The following HERC1 variants were observed in gnomAD, a reference collection of about 807,000 sequenced individuals.
HERC1 encodes HECT and RLD domain containing E3 ubiquitin protein ligase family member 1, also known as probable E3 ubiquitin-protein ligase HERC1.
A neutral mutation model predicts 554.3 loss-of-function variants in HERC1; 160 were observed. That is an observed-to-expected ratio of 0.29 (90% CI 0.25 to 0.33). HERC1 has a LOEUF of 0.33. Among genes scored for constraint, HERC1 ranks in the 10% least tolerant of loss-of-function variants. The probability of loss-of-function intolerance (pLI) is 1.00; values close to 1 mark genes in which losing one functional copy is unlikely to be tolerated. For missense variants in HERC1, 4,919 were observed against 5,918.5 expected, an observed-to-expected ratio of 0.83 and a Z score of 5.54; for synonymous variants, 2,175 against 2,131.7, an observed-to-expected ratio of 1.02 and a Z score of -0.56.
intron 6 of HERC1, among the ~76,000 whole-genome samples, 200 bp from the exon 7 acceptor site, chr15:63,754,848 C>T (rs1262796743): frequency 1.3e-5 from 2 of 152,178 alleles, no homozygotes; most frequent in Admixed American, 6.5e-5. Context: ...AGAGTCACTT[C>T]GGTGAACCAT....
At position 63,746,914 on chromosome 15, in the gene HERC1, T is replaced by C; in HGVS notation, c.2520+4A>G. ...ATACAGATTCACAAGTCCTATTCTC[T>C]TACCTCTTGGATTTCATCTGGGACA... On this transcript the variant is annotated splice_donor_region_variant and intron_variant, in intron 12 of 77. Coordinates refer to ENST00000443617, the MANE Select transcript of HERC1 (RefSeq NM_003922.4). 1.3e-6 allele frequency: 2 copies of C among 1,551,518 alleles called. No homozygotes were observed. Among genetic ancestry groups the C allele is most frequent in the Non-Finnish European group, 1.7e-6 (2 of 1,146,688 alleles).
At chr15:63,771,299 AT>A (rs1298259565) in intron 2 of HERC1, among the ~76,000 whole-genome samples, 1 of 152,188 alleles carries the variant, frequency 6.6e-6, no homozygotes, top group Non-Finnish European at 1.5e-5. Context: ...TTTAATAAGC[AT>A]TCCTTTCCCC....
At chr15:63,753,979 G>C (rs1014005040) in intron 7 of HERC1, among the ~76,000 whole-genome samples, 1 of 152,090 alleles carries the variant, frequency 6.6e-6, no homozygotes, top group Admixed American at 6.6e-5. Flanking sequence ...TTCGAGGCCA[G>C]CCTGGGCAAT....
intron 1 of HERC1, among the ~76,000 whole-genome samples, chr15:63,829,495 TATATAC>T (rs1226479648): frequency 0.09 from 5,896 of 65,284 alleles, 532 homozygotes; most frequent in African/African-American, 0.22. Flanking sequence ...TATATATATA[TATATAC>T]ACACACACAC....
At chr15:63,669,298 T>C (rs1392279725) in intron 40 of HERC1, among the ~76,000 whole-genome samples, 1 of 152,204 alleles carries the variant, frequency 6.6e-6, no homozygotes, top group Non-Finnish European at 1.5e-5. Flanking sequence ...AAAATGGCTA[T>C]ATTGGGAAAA....
chr15:63,729,232 T>G lies in HERC1; in HGVS notation c.3154+4A>C, dbSNP rs1461283980. 4 of 1,593,084 alleles carry G rather than the reference T, an allele frequency of 2.5e-6. No homozygotes were observed. Among genetic ancestry groups the G allele is most frequent in the Non-Finnish European group, 3.4e-6 (4 of 1,173,718 alleles). On this transcript the variant is annotated splice_donor_region_variant and intron_variant, in intron 16 of 77. Transcript: ENST00000443617. ...TTAAATTTGAAATGAAATACCAAACTCACCTCTTAATTTTTCTCCAACACT... is the reference window on the plus strand; with the variant it reads ...TTAAATTTGAAATGAAATACCAAACGCACCTCTTAATTTTTCTCCAACACT...
intron 70 of HERC1, among the ~76,000 whole-genome samples, chr15:63,627,285 G>A (rs2068341207): frequency 6.6e-6 from 1 of 152,134 alleles, no homozygotes; most frequent in Admixed American, 6.5e-5. Flanking sequence ...AACAAAACTG[G>A]AAGAGAATGC....
intron 12 of HERC1, among the ~76,000 whole-genome samples, chr15:63,744,170 C>G (rs371200954): frequency 0.16 from 5,076 of 32,446 alleles, 55 homozygotes; most frequent in African/African-American, 0.24. Flanking sequence ...GTGTGTCTCT[C>G]TCTCTCTCTC....
At chr15:63,712,403 A>T (rs2073344616) in intron 24 of HERC1, among the ~76,000 whole-genome samples, 1 of 152,236 alleles carries the variant, frequency 6.6e-6, no homozygotes, top group Admixed American at 6.5e-5. Flanking sequence ...GTCAAGGATG[A>T]TCCCAAGTTT....
chr15:63,752,943 A>T lies in HERC1; in HGVS notation c.1902+15T>A. On this transcript the variant is annotated intron_variant, in intron 8 of 77. Coordinates refer to ENST00000443617, the MANE Select transcript of HERC1 (RefSeq NM_003922.4). ...GAAATACTCTAAGTCTTTTATACTC[A>T]TCCCTTAGTCCTACCTGCCCTGTTG... 1 of 1,610,970 alleles carries T rather than the reference A, an allele frequency of 6.2e-7. No homozygotes were observed. The highest frequency in any genetic ancestry group is 8.5e-7 in the Non-Finnish European group (1 of 1,178,410).
At chr15:63,769,958 G>C (rs543645786) in intron 2 of HERC1, among the ~76,000 whole-genome samples, 1 of 152,226 alleles carries the variant, frequency 6.6e-6, no homozygotes, top group African/African-American at 2.4e-5. Context: ...ACATTTGTCT[G>C]CTTAAGATAT....
At position 63,674,906 on chromosome 15, in the gene HERC1, C is replaced by T; in HGVS notation, c.7282G>A (p.Val2428Ile). 6.2e-7 allele frequency: 1 copy of T among 1,614,042 alleles called. No homozygotes were observed. Among genetic ancestry groups the T allele is most frequent in the African/African-American group, 1.3e-5 (1 of 75,064 alleles). The change falls in exon 38 of 78, where the codon GTT becomes ATT. Residue 2428 changes from valine (V) to isoleucine (I), a missense_variant. Coordinates refer to ENST00000443617, the MANE Select transcript of HERC1 (RefSeq NM_003922.4). ...GATTCACTCTCAGGTTTCTGCTCAA[C>T]ATCCCCTTTCTCCTCGGATTCATGT... is the stretch of plus-strand genomic sequence containing the variant. ...HRHESEEKGD[V>I]EQKPESESAL...
At chr15:63,793,251 C>G (rs370387535) in intron 1 of HERC1, among the ~76,000 whole-genome samples, 1 of 152,116 alleles carries the variant, frequency 6.6e-6, no homozygotes, top group Admixed American at 6.5e-5. Flanking sequence ...GACAGGAGGT[C>G]GGCACAAGAC....
chr15:63,622,693 G>T, intron 74 of HERC1, 122 bp downstream of exon 74: 1 of 640,500 alleles, frequency 1.6e-6, no homozygotes, highest in South Asian at 2.2e-5. Context: ...TTACAATGAG[G>T]ACTGAAGGGG....
intron 1 of HERC1, among the ~76,000 whole-genome samples, chr15:63,800,433 G>C (rs1341880888): frequency 2.0e-5 from 3 of 152,124 alleles, no homozygotes; most frequent in African/African-American, 7.2e-5. Context: ...TCTTTATTTA[G>C]AGCCTGCCTT....
rs575815748 is a variant in HERC1 at position 63,612,028 on chromosome 15, A to G, written c.14400+223T>C. ...GGTGAATCCCCGTCTCTACCAAAAT[A>G]TACAAAAAAATTAGCCAGGCGTGGT... On this transcript the variant is annotated intron_variant, in intron 77 of 77. Transcript: ENST00000443617. This position sits in a 1 kb window ranked among gnomAD's most constrained non-coding sequence, Gnocchi z 5.0. Among the ~76,000 whole-genome samples the G allele has an allele frequency of 6.6e-6, 1 of 152,186 alleles. No homozygotes were observed. The highest frequency in any genetic ancestry group is 6.5e-5 in the Admixed American group (1 of 15,284).
Position 63,753,046 on chromosome 15 carries a change from G to C in HERC1, c.1814C>G (p.Pro605Arg). 6.2e-7 allele frequency: 1 copy of C among 1,612,150 alleles called. No homozygotes were observed. The highest frequency in any genetic ancestry group is 8.5e-7 in the Non-Finnish European group (1 of 1,178,894). The change falls in exon 8 of 78, where the codon CCT becomes CGT. Residue 605 changes from proline to arginine, a missense_variant. This residue lies in a region of HERC1 where 744 missense variants were observed against 1,090.0 expected (regional missense o/e 0.68). Coordinates refer to ENST00000443617, the MANE Select transcript of HERC1 (RefSeq NM_003922.4). ...TCCTTGTAAAGCTTCAATAACTTTA[G>C]GTTTATACACTCTGTTGGTATCACC... is the stretch of plus-strand genomic sequence containing the variant. Reference protein sequence around the residue: ...GHGDTNRVYKPKVIEALQGMF... With the variant: ...GHGDTNRVYKRKVIEALQGMF...
chr15:63,640,037 T>G, intron 61 of HERC1, 115 bp downstream of exon 61: 1 of 1,002,398 alleles, frequency 1.0e-6, no homozygotes, highest in Admixed American at 2.5e-5. Context: ...CCATTTCTCT[T>G]AAGGGTATCC....
intron 25 of HERC1, 42 bp downstream of exon 25, chr15:63,706,738 T>G: frequency 1.9e-6 from 2 of 1,065,626 alleles, no homozygotes; most frequent in East Asian, 2.7e-5. Flanking sequence ...TGAGACAGGG[T>G]CTCACTAAGA....
Sources: gnomAD v4.1 joint callset for allele counts (sites outside exome capture counted in the v4.1 genomes callset) on GRCh38, gnomAD v4.1.1 for gene constraint, gnomAD v4.1.1 regional missense constraint, Gnocchi (gnomAD v3.1) non-coding constraint, MANE v1.5 for transcripts, NCBI Gene and HGNC (gene_info 2026-07-23, HGNC 2026-07-21) for gene names.